The following GPC5 variants were observed in gnomAD, a reference collection of about 807,000 sequenced individuals.
The protein encoded by GPC5 is glypican-5.
GPC5 carries 47 observed loss-of-function variants against 53.9 expected under a neutral mutation model. The ratio of observed to expected loss-of-function variants is 0.87; its 90% confidence interval spans 0.69 to 1.11. GPC5 has a LOEUF of 1.11. Among genes scored for constraint, GPC5 ranks in the 50% most tolerant of loss-of-function variants. The pLI is 0.00. For synonymous variants in GPC5, 286 were observed against 263.3 expected (o/e 1.09, Z -0.84); for missense variants, 748 against 713.1 (o/e 1.05, Z -0.56).
intron 7 of GPC5, among the ~76,000 whole-genome samples, chr13:92,203,146 A>G (rs1334144378): frequency 6.6e-6 from 1 of 152,144 alleles, no homozygotes; most frequent in Non-Finnish European, 1.5e-5. Flanking sequence ...CTTTTCATTT[A>G]CTTTAAAACC....
intron 6 of GPC5, among the ~76,000 whole-genome samples, chr13:92,090,087 G>A (rs1280389896): frequency 6.6e-6 from 1 of 152,118 alleles, no homozygotes; most frequent in Admixed American, 6.5e-5. Flanking sequence ...AAGTACTGAT[G>A]TTTTTTCTAA....
intron 6 of GPC5, among the ~76,000 whole-genome samples, chr13:91,987,920 T>C (rs1285049350): frequency 2.1e-5 from 3 of 145,920 alleles, no homozygotes; most frequent in Non-Finnish European, 4.5e-5. Context: ...CGATGTAGTA[T>C]ATATAAACAT....
chr13:92,783,506 A>G (rs924079954), intron 7 of GPC5, among the ~76,000 whole-genome samples: 3 of 152,190 alleles, frequency 2.0e-5, no homozygotes, highest in Non-Finnish European at 4.4e-5. Context: ...CACTTGAATG[A>G]TCTATATTTG....
At chr13:92,628,547 G>C (rs1211617786) in intron 7 of GPC5, among the ~76,000 whole-genome samples, 1 of 151,896 alleles carries the variant, frequency 6.6e-6, no homozygotes, top group Non-Finnish European at 1.5e-5. Flanking sequence ...TCCAAAACAG[G>C]GAGAAGGGAC....
At chr13:91,840,573 G>A (rs1041213467) in intron 5 of GPC5, among the ~76,000 whole-genome samples, 47 of 151,492 alleles carry the variant, frequency 3.1e-4, no homozygotes, top group African/African-American at 1.1e-3. Context: ...AGACTACAAG[G>A]GAAACTGGCC....
chr13:92,351,402 A>C (rs1483608951), intron 7 of GPC5, among the ~76,000 whole-genome samples: 3 of 151,950 alleles, frequency 2.0e-5, no homozygotes, highest in Non-Finnish European at 4.4e-5. Flanking sequence ...GAATAAAATT[A>C]CATTTAATAT....
chr13:91,972,367 C>T (rs1438158093), intron 6 of GPC5, among the ~76,000 whole-genome samples: 18 of 152,080 alleles, frequency 1.2e-4, no homozygotes, highest in Admixed American at 7.2e-4. Context: ...TGTCTCTGCA[C>T]GTGAGATGGG....
At chr13:91,774,903 C>T (rs923442074) in intron 5 of GPC5, among the ~76,000 whole-genome samples, 1 of 152,174 alleles carries the variant, frequency 6.6e-6, no homozygotes, top group Non-Finnish European at 1.5e-5. Flanking sequence ...TTACTGAGAG[C>T]ACTACCCCCA....
intron 7 of GPC5, among the ~76,000 whole-genome samples, chr13:92,724,224 T>A (rs973347917): frequency 1.3e-5 from 2 of 150,578 alleles, no homozygotes; most frequent in Non-Finnish European, 3.0e-5. Flanking sequence ...TTCTCAAAAA[T>A]AAGTTAGGTT....
intron 7 of GPC5, among the ~76,000 whole-genome samples, chr13:92,820,790 T>C (rs146843340): frequency 6.6e-6 from 1 of 152,314 alleles, no homozygotes; most frequent in East Asian, 1.9e-4. Context: ...TAAAATATGT[T>C]GAGTAGTTTC....
chr13:91,541,883 C>T (rs2029954973), intron 2 of GPC5, among the ~76,000 whole-genome samples: 1 of 151,360 alleles, frequency 6.6e-6, no homozygotes. Context: ...CAGGCTTTTA[C>T]TGTTTTTTTC....
chr13:91,502,259 A>G (rs937272985), intron 2 of GPC5, among the ~76,000 whole-genome samples: 1 of 151,686 alleles, frequency 6.6e-6, no homozygotes. Context: ...ATTAGATCCC[A>G]TTTGTCAATT....
At chr13:92,413,294 A>C (rs2139352148) in intron 7 of GPC5, among the ~76,000 whole-genome samples, 1 of 152,348 alleles carries the variant, frequency 6.6e-6, no homozygotes, top group Non-Finnish European at 1.5e-5. Flanking sequence ...TAAGCAATCA[A>C]GCAACACTGA....
intron 7 of GPC5, among the ~76,000 whole-genome samples, chr13:92,719,167 G>GCCC (rs34229037): frequency 0.039 from 5,703 of 146,516 alleles, 310 homozygotes; most frequent in East Asian, 0.24. Flanking sequence ...GATTCCTATA[G>GCCC]CCCCCCCCCA....
chr13:91,774,138 TGAA>T (rs1380979833), intron 5 of GPC5, among the ~76,000 whole-genome samples: 2 of 152,182 alleles, frequency 1.3e-5, no homozygotes, highest in African/African-American at 4.8e-5. Flanking sequence ...CAAAATAAAC[TGAA>T]GAGCAATTTA....
At chr13:91,433,447 G>A (rs1167301244) in intron 1 of GPC5, among the ~76,000 whole-genome samples, 2 of 149,704 alleles carry the variant, frequency 1.3e-5, no homozygotes, top group African/African-American at 2.5e-5. Context: ...GAGAACATGT[G>A]GTGGTTGGTT....
intron 7 of GPC5, among the ~76,000 whole-genome samples, chr13:92,503,731 C>A (rs565611466): frequency 1.6e-4 from 24 of 151,832 alleles, no homozygotes; most frequent in African/African-American, 5.5e-4. Context: ...AAGTCTGTAT[C>A]ACAAAAAATC....
At chr13:91,645,606 T>A (rs951418430) in intron 2 of GPC5, among the ~76,000 whole-genome samples, 7 of 152,220 alleles carry the variant, frequency 4.6e-5, no homozygotes, top group African/African-American at 1.7e-4. Flanking sequence ...CGTAAGATAG[T>A]GTGAGGTCAC....
rs117649173 is a variant in GPC5, at chr13:91,422,428, G to T, written c.163+23219G>T. ...AGGTGGGTGGATCACCTGAGGTCAG[G>T]TGGTTGAGACTAGCCTGGCCAACAT... On this transcript the variant is annotated intron_variant, in intron 1 of 7. Coordinates refer to ENST00000377067, the MANE Select transcript of GPC5 (RefSeq NM_004466.6). 3.9e-3 allele frequency among the ~76,000 whole-genome samples: 593 copies of T among 152,170 alleles called. 2 individuals carry two copies. The highest frequency in any genetic ancestry group is 6.1e-3 in the Admixed American group (93 of 15,282).
Sources: allele counts gnomAD v4.1 joint callset (sites outside exome capture counted in the v4.1 genomes callset), GRCh38; gene constraint gnomAD v4.1.1; transcripts MANE v1.5; gene names NCBI Gene and HGNC (gene_info 2026-07-23, HGNC 2026-07-21).